NINL: variants seen among roughly 807,000 people sequenced by gnomAD.
The protein encoded by NINL is ninein like, also known as ninein-like protein.
In NINL, 153 loss-of-function variants were observed where a neutral mutation model predicts 160.3. The ratio of observed to expected loss-of-function variants is 0.95; its 90% CI spans 0.84 to 1.09. NINL has a LOEUF of 1.09. Ranked by LOEUF, NINL falls within the 50% of genes least tolerant of loss-of-function variation. NINL has a pLI of 0.00. For missense variants in NINL, 1,829 were observed against 1,764.0 expected (o/e 1.04, Z -0.66); for synonymous variants, 800 against 734.8 (o/e 1.09, Z -1.43).
At chr20:25,498,461 C>T in intron 8 of NINL, 115 bp from the exon 9 acceptor site, 1 of 1,337,766 alleles carries the variant, frequency 7.5e-7, no homozygotes, top group Non-Finnish European at 1.0e-6. Context: ...CAGGCAGCAC[C>T]TGCCCCTCCT....
chr20:25,489,865 AG>A lies in NINL; in HGVS notation c.1596+9del. ...CCCTCTGGAGGCAGACTGTCAGCAA[AG>A]GGACTCGCCTTGTCCTTCAGCACAA... is the stretch of plus-strand genomic sequence containing the variant. On this transcript the variant is annotated intron_variant, in intron 12 of 23. Coordinates refer to ENST00000278886, the MANE Select transcript of NINL (RefSeq NM_025176.6). The A allele has an allele frequency of 6.2e-7, 1 of 1,613,578 alleles. No individual in the cohort carries two copies. Among genetic ancestry groups the A allele is most frequent in the Non-Finnish European group, 8.5e-7 (1 of 1,179,532 alleles).
intron 13 of NINL, among the ~76,000 whole-genome samples, chr20:25,485,425 G>A (rs2063486854): frequency 1.3e-5 from 2 of 152,256 alleles, no homozygotes; most frequent in South Asian, 4.1e-4. Flanking sequence ...GGAGCAGGAA[G>A]CTGCACAGCA....
At chr20:25,490,287 A>G (rs185974621) in intron 11 of NINL, among the ~76,000 whole-genome samples, 25 of 152,220 alleles carry the variant, frequency 1.6e-4, no homozygotes, top group Non-Finnish European at 2.4e-4. Context: ...AGAGCCGGGC[A>G]CGGTGGCTCA....
rs1176711181 is a variant in NINL at position 25,526,334 on chromosome 20, T to C, written c.180+74A>G. 7.6e-6 allele frequency: 10 copies of C among 1,309,038 alleles called. No homozygotes were observed. The East Asian group carries it at 2.1e-4, about 27-fold the overall frequency. 81.1% of individuals were successfully genotyped at this position (1,309,038 alleles called of 1,614,324 possible). A position where few individuals can be genotyped will look rare whatever the true frequency, so the allele number is the denominator to read the frequency against. On this transcript the variant is annotated intron_variant, in intron 2 of 23. Transcript: ENST00000278886. The stretch of plus-strand genomic sequence containing the variant: ...GACACTTGAATCCTTATTCAGCTGA[T>C]ATTTATCAAATGCCCATAAGAGCCA...
In NINL at chr20:25,479,088, A is replaced by G; in HGVS notation, c.2036T>C (p.Leu679Pro). The change falls in exon 16 of 24, where the codon CTG (leucine) becomes CCG (proline). Residue 679 changes from leucine to proline, a missense_variant. By Grantham distance (98) the Leu-to-Pro change is moderately conservative (BLOSUM62 -3). Transcript: ENST00000278886. ...VSVLEGQKADLEELHEKSQEV... is the reference protein window; with the variant it reads ...VSVLEGQKADPEELHEKSQEV... ...CTGAGACTTCTCGTGGAGCTCCTCC[A>G]GGTCGGCCTTCTGACCCTCCAGCAC... 6.2e-7 allele frequency: 1 copy of G among 1,613,470 alleles called. No individual in the cohort carries two copies. Among genetic ancestry groups the G allele is most frequent in the Middle Eastern group, 1.6e-4 (1 of 6,062 alleles).
chr20:25,517,001 G>A (rs1423226579), intron 3 of NINL, among the ~76,000 whole-genome samples: 1 of 152,160 alleles, frequency 6.6e-6, no homozygotes, highest in Non-Finnish European at 1.5e-5. Flanking sequence ...GGTATGGTAA[G>A]TAATACCACA....
At chr20:25,518,852 C>A (rs905092572) in intron 2 of NINL, among the ~76,000 whole-genome samples, 7 of 151,892 alleles carry the variant, frequency 4.6e-5, no homozygotes, top group Non-Finnish European at 7.4e-5. Context: ...AATCCCAGCA[C>A]TTTGGGAGGC....
At chr20:25,542,419 G>T (rs1036710186) in intron 1 of NINL, among the ~76,000 whole-genome samples, 1 of 151,824 alleles carries the variant, frequency 6.6e-6, no homozygotes, top group Non-Finnish European at 1.5e-5. Flanking sequence ...CACATCAGAG[G>T]AGACCAAGAA....
chr20:25,569,138 G>T (rs1212439310), intron 1 of NINL, among the ~76,000 whole-genome samples: 1 of 150,254 alleles, frequency 6.7e-6, no homozygotes, highest in Non-Finnish European at 1.5e-5. Flanking sequence ...TGAGACAGGA[G>T]AATCACTTGA....
intron 13 of NINL, among the ~76,000 whole-genome samples, chr20:25,483,411 A>T (rs571187990): frequency 6.6e-6 from 1 of 152,360 alleles, no homozygotes; most frequent in Admixed American, 6.5e-5. Context: ...CTTTGTTGGA[A>T]CTGCAGTGGT....
intron 1 of NINL, among the ~76,000 whole-genome samples, chr20:25,531,203 G>C (rs374482449): frequency 6.6e-6 from 1 of 152,222 alleles, no homozygotes; most frequent in Non-Finnish European, 1.5e-5. Context: ...GGTGGTCAGA[G>C]TTTAAGGTTA....
At chr20:25,582,810 A>T (rs1259492097) in intron 1 of NINL, among the ~76,000 whole-genome samples, 1 of 148,834 alleles carries the variant, frequency 6.7e-6, no homozygotes, top group Admixed American at 6.7e-5. Context: ...TTAACTACTT[A>T]AAAAAAAAAC....
intron 1 of NINL, among the ~76,000 whole-genome samples, chr20:25,557,282 G>A (rs1395111298): frequency 6.6e-6 from 1 of 152,156 alleles, no homozygotes; most frequent in East Asian, 1.9e-4. Context: ...TGTAATCCTA[G>A]CACTTTGGAA....
chr20:25,491,833 G>A (rs531344399), intron 10 of NINL, among the ~76,000 whole-genome samples: 2 of 152,336 alleles, frequency 1.3e-5, no homozygotes, highest in East Asian at 1.9e-4. Context: ...CCCTCCACCC[G>A]GTGTGCATGG....
chr20:25,478,898 A>G (rs201750669), intron 16 of NINL, 25 bp downstream of exon 16: 1 of 1,489,654 alleles, frequency 6.7e-7, no homozygotes, highest in East Asian at 2.3e-5. Context: ...CCCAGACTTG[A>G]AATCTCAAAA....
At chr20:25,504,350 T>C (rs2063923130) in intron 6 of NINL, among the ~76,000 whole-genome samples, 1 of 152,240 alleles carries the variant, frequency 6.6e-6, no homozygotes, top group African/African-American at 2.4e-5. Flanking sequence ...CACCTGAACT[T>C]CCCAGTTCTA....
chr20:25,511,282 T>A (rs549608556), intron 4 of NINL, among the ~76,000 whole-genome samples: 1 of 152,318 alleles, frequency 6.6e-6, no homozygotes, highest in East Asian at 1.9e-4. Flanking sequence ...GGCTCCGGGA[T>A]AGCACAGCGC....
At position 25,476,274 on chromosome 20, in the gene NINL, T is replaced by C. The variant is rs369565947; in HGVS notation, c.3017A>G (p.Glu1006Gly). 9 of 1,613,542 alleles carry C rather than the reference T, an allele frequency of 5.6e-6. No individual in the cohort carries two copies. Among genetic ancestry groups the C allele is most frequent in the African/African-American group, 1.3e-5 (1 of 74,914 alleles). ...CACACTGTGCTTGTGACACCCAGGC[T>C]CCAGGGCGCCCTCGGCCCGGGCCTG... ...EQQARAEGAL[E>G]PGCHKHSVEV... Residue 1006 changes from glutamate (E) to glycine (G), a missense_variant, in exon 17 of 24, where the codon GAG becomes GGG. Coordinates refer to ENST00000278886, the MANE Select transcript of NINL (RefSeq NM_025176.6).
chr20:25,584,211 CTG>C (rs1364137680), intron 1 of NINL, among the ~76,000 whole-genome samples: 2 of 152,210 alleles, frequency 1.3e-5, no homozygotes, highest in Non-Finnish European at 2.9e-5. Context: ...TGGCTCACGC[CTG>C]TAATCCCAGA....
Sources: allele counts gnomAD v4.1 joint callset (sites outside exome capture counted in the v4.1 genomes callset), GRCh38; gene constraint gnomAD v4.1.1; transcripts MANE v1.5; gene names NCBI Gene and HGNC (gene_info 2026-07-23, HGNC 2026-07-21).